CPQ: variants seen among roughly 807,000 people sequenced by gnomAD.
The protein encoded by CPQ is Ser-Met dipeptidase.
CPQ carries 37 observed loss-of-function variants against 45.7 expected under a neutral mutation model. The observed-to-expected ratio is 0.81, with a 90% CI of 0.62 to 1.07. The LOEUF (loss-of-function observed/expected upper bound fraction) is 1.07, where lower values mean the gene tolerates loss of function less well. Ranked by LOEUF, CPQ falls within the 50% of genes least tolerant of loss-of-function variation. The pLI, the probability that CPQ is intolerant of heterozygous loss-of-function variation, is 0.00. For missense variants in CPQ, 537 were observed against 572.9 expected (o/e 0.94, Z 0.64); for synonymous variants, 186 against 205.8 (o/e 0.90, Z 0.82).
chr8:96,724,308 T>C (rs1201679369), intron 1 of CPQ, among the ~76,000 whole-genome samples: 1 of 152,174 alleles, frequency 6.6e-6, no homozygotes, highest in African/African-American at 2.4e-5. Context: ...TAATATTCAA[T>C]GTGTGAATAT....
intron 1 of CPQ, among the ~76,000 whole-genome samples, chr8:96,686,549 A>C (rs998897658): frequency 6.6e-6 from 1 of 151,976 alleles, no homozygotes; most frequent in Admixed American, 6.6e-5. Context: ...CATAAACACC[A>C]CTTAGTAATG....
chr8:97,111,013 T>G (rs1312443752), intron 7 of CPQ, among the ~76,000 whole-genome samples: 1 of 152,194 alleles, frequency 6.6e-6, no homozygotes, highest in Non-Finnish European at 1.5e-5. Flanking sequence ...GGATTTCTTT[T>G]CCAACATAAA....
chr8:96,869,435 A>G (rs982652387), intron 3 of CPQ, among the ~76,000 whole-genome samples: 1 of 152,098 alleles, frequency 6.6e-6, no homozygotes, highest in Non-Finnish European at 1.5e-5. Flanking sequence ...CCACAACTCT[A>G]TAGTCACACT....
At chr8:96,968,947 T>C (rs1813617132) in intron 5 of CPQ, among the ~76,000 whole-genome samples, 1 of 152,252 alleles carries the variant, frequency 6.6e-6, no homozygotes, top group African/African-American at 2.4e-5. Flanking sequence ...TGTCTGTGGT[T>C]TACTGGACTT....
intron 2 of CPQ, among the ~76,000 whole-genome samples, chr8:96,810,706 T>C (rs1004285548): frequency 6.6e-6 from 1 of 152,204 alleles, no homozygotes; most frequent in Non-Finnish European, 1.5e-5. Context: ...GTGTCTGCAT[T>C]GCATTGATAT....
intron 7 of CPQ, among the ~76,000 whole-genome samples, chr8:97,118,661 A>C (rs2130603177): frequency 6.6e-6 from 1 of 152,290 alleles, no homozygotes; most frequent in South Asian, 2.1e-4. Flanking sequence ...AGCTTGAGGT[A>C]GCATTTAGCA....
At chr8:97,061,122 A>T (rs576024012) in intron 6 of CPQ, among the ~76,000 whole-genome samples, 1 of 152,276 alleles carries the variant, frequency 6.6e-6, no homozygotes, top group East Asian at 1.9e-4. Context: ...ACACGAATAG[A>T]AATCAAACAT....
At chr8:96,741,536 T>G (rs1810092269) in intron 1 of CPQ, among the ~76,000 whole-genome samples, 1 of 152,212 alleles carries the variant, frequency 6.6e-6, no homozygotes, top group Non-Finnish European at 1.5e-5. Flanking sequence ...GTGTTTGTTG[T>G]TGCTTTTCTA....
At chr8:96,872,363 GT>G (rs1812082965) in intron 3 of CPQ, among the ~76,000 whole-genome samples, 2 of 152,050 alleles carry the variant, frequency 1.3e-5, no homozygotes, top group East Asian at 3.9e-4. Flanking sequence ...TGCTCAAAAA[GT>G]TTCAGAGCAT....
At chr8:96,883,482 AAAGGTAG>A (rs1812258109) in intron 4 of CPQ, among the ~76,000 whole-genome samples, 1 of 152,218 alleles carries the variant, frequency 6.6e-6, no homozygotes, top group African/African-American at 2.4e-5. Context: ...CCAAGATGTA[AAAGGTAG>A]AAGTTTAACA....
At chr8:96,786,361 T>C (rs1810768490) in intron 2 of CPQ, among the ~76,000 whole-genome samples, 1 of 152,176 alleles carries the variant, frequency 6.6e-6, no homozygotes, top group South Asian at 2.1e-4. Flanking sequence ...AGTATTTCAT[T>C]CTTTTTATTG....
intron 5 of CPQ, among the ~76,000 whole-genome samples, chr8:97,007,077 T>C (rs1274671724): frequency 6.6e-6 from 1 of 152,232 alleles, no homozygotes; most frequent in Non-Finnish European, 1.5e-5. Flanking sequence ...ACACTACTGT[T>C]CCCAGTCTTG....
At chr8:96,870,092 G>A (rs1309188195) in intron 3 of CPQ, among the ~76,000 whole-genome samples, 1 of 151,998 alleles carries the variant, frequency 6.6e-6, no homozygotes, top group Non-Finnish European at 1.5e-5. Flanking sequence ...ACAAAATATG[G>A]GTGGTGATGA....
At chr8:97,131,600 T>C (rs1811958035) in intron 7 of CPQ, among the ~76,000 whole-genome samples, 1 of 152,222 alleles carries the variant, frequency 6.6e-6, no homozygotes, top group Non-Finnish European at 1.5e-5. Context: ...GCTATAATTC[T>C]ACTTCTGACA....
chr8:96,864,994 A>G (rs988923295), intron 3 of CPQ, among the ~76,000 whole-genome samples: 1 of 152,102 alleles, frequency 6.6e-6, no homozygotes, highest in Non-Finnish European at 1.5e-5. Flanking sequence ...TCTACTTTAT[A>G]AGATTATTGT....
At chr8:96,782,208 G>GTCTTTAAAATCTTTAAAGACAT (rs1810696317) in intron 1 of CPQ, among the ~76,000 whole-genome samples, 1 of 152,210 alleles carries the variant, frequency 6.6e-6, no homozygotes, top group Admixed American at 6.5e-5. Flanking sequence ...TCCCCAGGCT[G>GTCTTTAAAATCTTTAAAGACAT]TCTGATACAT....
chr8:97,025,472 G>A (rs907272323), intron 5 of CPQ, among the ~76,000 whole-genome samples: 1 of 152,120 alleles, frequency 6.6e-6, no homozygotes, highest in South Asian at 2.1e-4. Context: ...TAGGAGAACC[G>A]ACTGCCTCTC....
intron 3 of CPQ, among the ~76,000 whole-genome samples, chr8:96,870,600 G>A (rs892556253): frequency 6.6e-6 from 1 of 151,976 alleles, no homozygotes; most frequent in Non-Finnish European, 1.5e-5. Context: ...TATGGGCTTA[G>A]CCTCTCTGTT....
At chr8:96,693,241 G>A (rs931686785) in intron 1 of CPQ, among the ~76,000 whole-genome samples, 2 of 151,946 alleles carry the variant, frequency 1.3e-5, no homozygotes, top group Admixed American at 6.6e-5. Context: ...GCCTTAGAAA[G>A]GAGGAAGGGT....
Sources: allele counts gnomAD v4.1 joint callset (sites outside exome capture counted in the v4.1 genomes callset), GRCh38; gene constraint gnomAD v4.1.1; transcripts MANE v1.5; gene names NCBI Gene and HGNC (gene_info 2026-07-23, HGNC 2026-07-21).